TMEM232: variants seen among roughly 807,000 people sequenced by gnomAD.
The protein encoded by TMEM232 is transmembrane protein 232.
Under a neutral mutation model 78.8 loss-of-function variants are expected in TMEM232, and 80 were observed. The ratio of observed to expected loss-of-function variants is 1.01; its 90% CI spans 0.85 to 1.22. TMEM232 has a LOEUF of 1.22. Among genes scored for constraint, TMEM232 ranks in the 50% most tolerant of loss-of-function variants. The pLI is 0.00. For synonymous variants in TMEM232, 297 were observed against 254.3 expected (o/e 1.17, Z -1.60); for missense variants, 881 against 742.2 (o/e 1.19, Z -2.17).
At chr5:110,638,438 T>C (rs968807051) in intron 4 of TMEM232, 83 bp from the exon 5 acceptor site, 32 of 1,323,430 alleles carry the variant, frequency 2.4e-5, no homozygotes, top group Non-Finnish European at 3.3e-5. Flanking sequence ...TTGTAATTAT[T>C]TCCTGTCATT....
chr5:110,620,068 T>C (rs1451480078), intron 7 of TMEM232, among the ~76,000 whole-genome samples: 1 of 152,182 alleles, frequency 6.6e-6, no homozygotes, highest in Non-Finnish European at 1.5e-5. Flanking sequence ...TGTATTTATG[T>C]ACCATCATCA....
At chr5:110,510,821 T>C (rs1767635148) in intron 12 of TMEM232, among the ~76,000 whole-genome samples, 1 of 152,058 alleles carries the variant, frequency 6.6e-6, no homozygotes, top group Non-Finnish European at 1.5e-5. Context: ...GGTGGAAAAA[T>C]AGGAACACTT....
intron 1 of TMEM232, among the ~76,000 whole-genome samples, chr5:110,724,874 T>A (rs910037858): frequency 6.6e-6 from 1 of 151,800 alleles, no homozygotes; most frequent in African/African-American, 2.4e-5. Flanking sequence ...CAAAAAAACT[T>A]GCCATGTTAT....
intron 1 of TMEM232, among the ~76,000 whole-genome samples, chr5:110,671,223 G>T (rs1048472218): frequency 6.6e-6 from 1 of 152,128 alleles, no homozygotes; most frequent in South Asian, 2.1e-4. Flanking sequence ...CAGTTAGAAT[G>T]GTGATCATTA....
intron 12 of TMEM232, among the ~76,000 whole-genome samples, chr5:110,474,904 A>C (rs1008023566): frequency 3.3e-5 from 5 of 152,016 alleles, no homozygotes; most frequent in African/African-American, 7.2e-5. Context: ...CTATACTATG[A>C]TCATAGACCA....
chr5:110,518,387 T>A (rs1404623756), intron 12 of TMEM232, among the ~76,000 whole-genome samples: 1 of 152,214 alleles, frequency 6.6e-6, no homozygotes, highest in East Asian at 1.9e-4. Flanking sequence ...CTTCCATGTC[T>A]GTCCTTCGGA....
rs569645966 is a variant in TMEM232 at position 110,704,826 on chromosome 5, C to G, written c.-13+21801G>C. 3.5e-4 allele frequency among the ~76,000 whole-genome samples: 54 copies of G among 152,158 alleles called. No homozygotes were observed. In the South Asian group the frequency reaches 0.011, roughly 32 times the overall value. On this transcript the variant is annotated intron_variant, in intron 1 of 13. Transcript: ENST00000455884. The stretch of plus-strand genomic sequence containing the variant: ...ACTTTGCAAGTAGATCACTGTATTA[C>G]TATGAATATAGTTAATCAGTTAGTA...
Position 110,615,877 on chromosome 5 carries a change from A to G in TMEM232, c.902+2552T>C, listed in dbSNP as rs192560255. ...TGACAGAATATCTGAAGAAGATATT[A>G]TGAAAACAATCTCATTTACAATAGC... On this transcript the variant is annotated intron_variant, in intron 8 of 13. Coordinates refer to ENST00000455884, the MANE Select transcript of TMEM232 (RefSeq NM_001039763.4). 3.4e-3 allele frequency among the ~76,000 whole-genome samples: 516 copies of G among 152,092 alleles called. 2 individuals are homozygous for G. Among genetic ancestry groups the G allele is most frequent in the African/African-American group, 0.012 (495 of 41,552 alleles).
chr5:110,737,355 G>A (rs1799285505), intron 1 of TMEM232, among the ~76,000 whole-genome samples: 1 of 151,918 alleles, frequency 6.6e-6, no homozygotes, highest in South Asian at 2.1e-4. Context: ...ATAAACATAT[G>A]TATGTTATCC....
chr5:110,646,224 T>C (rs542718197), intron 2 of TMEM232, among the ~76,000 whole-genome samples: 8 of 151,726 alleles, frequency 5.3e-5, no homozygotes, highest in African/African-American at 1.9e-4. Flanking sequence ...TTTACAGAAA[T>C]AATAATAACA....
chr5:110,659,201 G>T (rs1302378783), intron 2 of TMEM232, among the ~76,000 whole-genome samples: 2 of 152,128 alleles, frequency 1.3e-5, no homozygotes. Flanking sequence ...CATAATAATT[G>T]TAGTGTAGTT....
intron 2 of TMEM232, among the ~76,000 whole-genome samples, chr5:110,400,533 A>G (rs145358923): frequency 6.6e-6 from 1 of 152,004 alleles, no homozygotes; most frequent in Non-Finnish European, 1.5e-5. Context: ...AATATAAGAC[A>G]TACATCAGAT....
chr5:110,672,695 A>G (rs978043711), intron 1 of TMEM232, among the ~76,000 whole-genome samples: 5 of 152,182 alleles, frequency 3.3e-5, no homozygotes, highest in African/African-American at 1.2e-4. Flanking sequence ...AAAAATAAAC[A>G]TAGAGAATCT....
intron 10 of TMEM232, among the ~76,000 whole-genome samples, chr5:110,576,683 A>G (rs1258735497): frequency 6.6e-6 from 1 of 152,148 alleles, no homozygotes; most frequent in Non-Finnish European, 1.5e-5. Flanking sequence ...ATACAAAAAC[A>G]GATACATAGA....
intron 12 of TMEM232, among the ~76,000 whole-genome samples, chr5:110,497,826 A>C (rs926717063): frequency 6.6e-6 from 1 of 152,154 alleles, no homozygotes; most frequent in Non-Finnish European, 1.5e-5. Context: ...GGGAATGAGA[A>C]CAAATTTAAG....
intron 1 of TMEM232, among the ~76,000 whole-genome samples, chr5:110,676,858 G>A (rs1291833953): frequency 2.0e-5 from 3 of 151,556 alleles, no homozygotes; most frequent in Non-Finnish European, 4.4e-5. Flanking sequence ...TCCCCGGTTC[G>A]AGCGATTCTC....
intron 12 of TMEM232, among the ~76,000 whole-genome samples, chr5:110,495,578 A>G (rs1238685637): frequency 6.6e-6 from 1 of 151,928 alleles, no homozygotes; most frequent in African/African-American, 2.4e-5. Context: ...ATGAAAACAT[A>G]AGGCTTTACA....
At chr5:110,572,447 TA>T (rs1298757328) in intron 10 of TMEM232, among the ~76,000 whole-genome samples, 1 of 152,058 alleles carries the variant, frequency 6.6e-6, no homozygotes, top group East Asian at 1.9e-4. Context: ...CAGTGAATTT[TA>T]ACTAATTTCT....
At chr5:110,590,148 C>A (rs1779326352) in intron 10 of TMEM232, among the ~76,000 whole-genome samples, 1 of 152,044 alleles carries the variant, frequency 6.6e-6, no homozygotes, top group Admixed American at 6.6e-5. Flanking sequence ...AAAAAACCAC[C>A]ACTCAGCACT....
Sources: allele counts gnomAD v4.1 joint callset (sites outside exome capture counted in the v4.1 genomes callset), GRCh38; gene constraint gnomAD v4.1.1; transcripts MANE v1.5; gene names NCBI Gene and HGNC (gene_info 2026-07-23, HGNC 2026-07-21).